Variants in SELENOM observed in about 807,000 individuals in gnomAD.
SELENOM encodes the protein selenoprotein SelM.
Under a neutral mutation model 14.5 loss-of-function variants are expected in SELENOM, and 17 were observed. That is an observed-to-expected ratio of 1.17 (90% CI 0.80 to 1.76). The LOEUF (loss-of-function observed/expected upper bound fraction) is 1.76, where lower values mean the gene tolerates loss of function less well. SELENOM is among the 40% of genes most tolerant of loss of function. The pLI is 0.00. For missense variants in SELENOM, 230 were observed against 204.6 expected (o/e 1.12, Z -0.76); for synonymous variants, 102 against 93.3 (o/e 1.09, Z -0.54).
chr22:31,104,854 C>G lies in SELENOM; in HGVS notation c.*116G>C, dbSNP rs2044369538. The G allele has an allele frequency of 8.2e-7, 1 of 1,217,764 alleles. No homozygotes were observed. Among genetic ancestry groups the G allele is most frequent in the East Asian group, 2.6e-5 (1 of 38,264 alleles). 75.4% of individuals were successfully genotyped at this position (1,217,764 alleles called of 1,614,324 possible). On this transcript the variant is annotated 3_prime_UTR_variant, in exon 5 of 5. Transcript: ENST00000400299. The stretch of plus-strand genomic sequence containing the variant: ...GAGAACCTCCCCAACCCCATCCCTG[C>G]TGGCCCGGGGACGGGCATCGGCTCT...
At position 31,107,464 on chromosome 22, in the gene SELENOM, G is replaced by A. The variant is rs1313730451; in HGVS notation, c.42C>T (p.Leu14=). The change falls in exon 1 of 5, where the codon CTC becomes CTT. Residue 14 remains leucine, a synonymous_variant. Transcript: ENST00000400299. ...CTGTGGCTGGGGCCACAAGCGCCGC[G>A]AGAAGCAGCAGCAGCGCCAGCGGAG... is the stretch of plus-strand genomic sequence containing the variant. The part of the protein sequence containing the change: ...LLPPLALLLL[L]AALVAPATAA... The A allele has an allele frequency of 5.8e-6, 9 of 1,561,484 alleles. No homozygotes were observed. The Admixed American group carries it at 1.3e-4, about 23-fold the overall frequency.
intron 1 of SELENOM, 32 bp downstream of exon 1, chr22:31,107,345 A>C (rs2044414713): frequency 1.9e-6 from 3 of 1,579,276 alleles, no homozygotes; most frequent in South Asian, 1.1e-5. Flanking sequence ...TTGGGGAACG[A>C]TAGTGCCGGG....
rs2044367308 is a variant in SELENOM at position 31,104,794 on chromosome 22, T to C, written c.*176A>G. The C allele has an allele frequency of 2.0e-6, 1 of 499,630 alleles. No homozygotes were observed. The highest frequency in any genetic ancestry group is 3.3e-6 in the Non-Finnish European group (1 of 300,458). The allele number at this position is 499,630 out of a possible 1,614,324, so 30.9% of individuals were successfully genotyped here. A position where few individuals can be genotyped will look rare whatever the true frequency, so the allele number is the denominator to read the frequency against. Reference sequence around the variant, plus strand: ...AGCCTCAGTTAAGGCAGGAGGGAATTTAGTGGAGCTGGGGAAGGAAGAAAG... The same window carrying C: ...AGCCTCAGTTAAGGCAGGAGGGAATCTAGTGGAGCTGGGGAAGGAAGAAAG... On this transcript the variant is annotated 3_prime_UTR_variant, in exon 5 of 5. Coordinates refer to ENST00000400299, the MANE Select transcript of SELENOM (RefSeq NM_080430.4).
chr22:31,107,169 T>G, intron 1 of SELENOM: 1 of 591,956 alleles, frequency 1.7e-6, no homozygotes, highest in Non-Finnish European at 2.8e-6. Flanking sequence ...GGGTTCGGAG[T>G]TCCAGGCCCC....
At chr22:31,105,521 A>G in intron 3 of SELENOM, 137 bp downstream of exon 3, 1 of 953,460 alleles carries the variant, frequency 1.0e-6, no homozygotes. Context: ...CATGGAGACC[A>G]CCTCAGAATC....
Position 31,104,804 on chromosome 22 carries a change from T to A in SELENOM, c.*166A>T. On this transcript the variant is annotated 3_prime_UTR_variant, in exon 5 of 5. Transcript: ENST00000400299. ...AAGGCAGGAGGGAATTTAGTGGAGC[T>A]GGGGAAGGAAGAAAGTGGGGTTGGG... 1 of 501,460 alleles carries A rather than the reference T, an allele frequency of 2.0e-6. No homozygotes were observed. The allele number at this position is 501,460 out of a possible 1,614,324, so 31.1% of individuals were successfully genotyped here. A position where few individuals can be genotyped will look rare whatever the true frequency, so the allele number is the denominator to read the frequency against.
Position 31,105,253 on chromosome 22 carries a change from G to C in SELENOM, c.234C>G (p.Ala78=), listed in dbSNP as rs759028712. ...HNLVMKHLPG[A]DPELVLLGRR... ...GGCCCAGCAGCACGAGCTCAGGGTC[G>C]GCCCCAGGGAGGTGTTTCATCACCA... is the stretch of plus-strand genomic sequence containing the variant. The change falls in exon 4 of 5, where the codon GCC becomes GCG. Residue 78 remains alanine (A), a synonymous_variant. Coordinates refer to ENST00000400299, the MANE Select transcript of SELENOM (RefSeq NM_080430.4). 1.2e-6 allele frequency: 2 copies of C among 1,612,840 alleles called. No homozygotes were observed. The highest frequency in any genetic ancestry group is 1.7e-6 in the Non-Finnish European group (2 of 1,179,572).
At chr22:31,105,558 A>T (rs2044393576) in intron 3 of SELENOM, 100 bp downstream of exon 3, 1 of 1,253,384 alleles carries the variant, frequency 8.0e-7, no homozygotes, top group South Asian at 1.2e-5. Flanking sequence ...CAATCAATTC[A>T]ACTTGTCAGT....
chr22:31,106,227 C>T, intron 1 of SELENOM: 1 of 563,012 alleles, frequency 1.8e-6, no homozygotes, highest in Non-Finnish European at 3.2e-6. Context: ...GCCTTGGGGC[C>T]TGTACATCCT....
chr22:31,106,142 A>G (rs1460474647), intron 1 of SELENOM, 177 bp from the exon 2 acceptor site: 1 of 653,930 alleles, frequency 1.5e-6, no homozygotes, highest in East Asian at 2.7e-5. Flanking sequence ...GGAACTGTGT[A>G]TACAGGTGGG....
chr22:31,105,910 A>T lies in SELENOM; in HGVS notation c.165+20T>A, dbSNP rs763610803. 3.7e-6 allele frequency: 6 copies of T among 1,612,642 alleles called. No homozygotes were observed. In the African/African-American group the frequency reaches 4.0e-5, roughly 11 times the overall value. On this transcript the variant is annotated intron_variant, in intron 2 of 4. Coordinates refer to ENST00000400299, the MANE Select transcript of SELENOM (RefSeq NM_080430.4). Reference sequence around the variant, plus strand: ...AGGCTCAGGGGGAACAGAGCTAGGGACCTCTTCCTTCAAACTCACCTCCTT... The same window carrying T: ...AGGCTCAGGGGGAACAGAGCTAGGGTCCTCTTCCTTCAAACTCACCTCCTT...
At position 31,107,567 on chromosome 22, in the gene SELENOM, C is replaced by G. The variant is rs953111201; in HGVS notation, c.-62G>C. 3.6e-6 allele frequency: 5 copies of G among 1,378,542 alleles called. No homozygotes were observed. Among genetic ancestry groups the G allele is most frequent in the Non-Finnish European group, 4.8e-6 (5 of 1,044,056 alleles). The allele number at this position is 1,378,542 out of a possible 1,614,324, so 85.4% of individuals were successfully genotyped here. ...GAACCTCCGAGTCGCTGCGCCACGT[C>G]TGGGCCCCCAGGCTGGCCCCGCCCC... On this transcript the variant is annotated 5_prime_UTR_variant, in exon 1 of 5. Coordinates refer to ENST00000400299, the MANE Select transcript of SELENOM (RefSeq NM_080430.4).
Position 31,107,026 on chromosome 22 carries a change from C to G in SELENOM, c.129+351G>C, listed in dbSNP as rs1033759213. 1.0e-4 allele frequency: 20 copies of G among 198,116 alleles called. 1 individual carries two copies. The highest frequency in any genetic ancestry group is 7.2e-5 in the Non-Finnish European group (7 of 97,574). The allele number at this position is 198,116 out of a possible 1,614,324, so 12.3% of individuals were successfully genotyped here. ...CCTGGAACCGGGTCGGGGGGGAATTCCAGGAAAACATGAAGTGATGGGGGA... is the reference window on the plus strand; with the variant it reads ...CCTGGAACCGGGTCGGGGGGGAATTGCAGGAAAACATGAAGTGATGGGGGA... On this transcript the variant is annotated intron_variant, in intron 1 of 4. Coordinates refer to ENST00000400299, the MANE Select transcript of SELENOM (RefSeq NM_080430.4).
chr22:31,106,468 A>G (rs143338707), intron 1 of SELENOM: 161 of 170,692 alleles, frequency 9.4e-4, no homozygotes, highest in African/African-American at 3.7e-3. Flanking sequence ...AGCCCCACAG[A>G]CCATGTGGTT....
rs1021904780 is a variant in SELENOM at position 31,107,449 on chromosome 22, G to A, written c.57C>T (p.Ala19=). 4 of 1,567,228 alleles carry A rather than the reference G, an allele frequency of 2.6e-6. No individual in the cohort carries two copies. The highest frequency in any genetic ancestry group is 4.7e-5 in the East Asian group (2 of 42,596). Residue 19 remains alanine (A), a synonymous_variant, in exon 1 of 5, where the codon GCC becomes GCT. Transcript: ENST00000400299. ...ALLLLLAALV[A]PATAATAYRP... ...GGTAGGCAGTGGCGGCTGTGGCTGG[G>A]GCCACAAGCGCCGCGAGAAGCAGCA...
At position 31,107,510 on chromosome 22, in the gene SELENOM, A is replaced by G. The variant is rs758443777; in HGVS notation, c.-5T>C. On this transcript the variant is annotated 5_prime_UTR_variant, in exon 1 of 5. Transcript: ENST00000400299. Reference sequence around the variant, plus strand: ...CGGAGGCAACAGGAGGCTCATCGGGACCCGGCCGCAGATGATGCGCAAGCT... The same window carrying G: ...CGGAGGCAACAGGAGGCTCATCGGGGCCCGGCCGCAGATGATGCGCAAGCT... 2 of 1,538,232 alleles carry G rather than the reference A, an allele frequency of 1.3e-6. No individual in the cohort carries two copies. Among genetic ancestry groups the G allele is most frequent in the South Asian group, 2.4e-5 (2 of 83,894 alleles).
rs1332736292 is a variant in SELENOM, at chr22:31,107,452, C to T, written c.54G>A (p.Val18=). 2 of 1,565,146 alleles carry T rather than the reference C, an allele frequency of 1.3e-6. No individual in the cohort carries two copies. The highest frequency in any genetic ancestry group is 1.9e-5 in the Admixed American group (1 of 52,304). The change falls in exon 1 of 5, where the codon GTG becomes GTA. Residue 18 remains valine (V), a synonymous_variant. Coordinates refer to ENST00000400299, the MANE Select transcript of SELENOM (RefSeq NM_080430.4). ...AGGCAGTGGCGGCTGTGGCTGGGGC[C>T]ACAAGCGCCGCGAGAAGCAGCAGCA... ...LALLLLLAAL[V]APATAATAYR...
At chr22:31,105,721 A>C (rs755484623) in intron 2 of SELENOM, 29 bp from the exon 3 acceptor site, 1 of 1,613,178 alleles carries the variant, frequency 6.2e-7, no homozygotes, top group Non-Finnish European at 8.5e-7. Context: ...ATCAGAGACC[A>C]TGACCTCAGT....
Position 31,104,966 on chromosome 22 carries a change from G to T in SELENOM, c.*4C>A, listed in dbSNP as rs758196503. ...TAGGTCCCAGCTCCGCCGCGCCCCCGGACCTACAGGTCAGCGTGGTCCGAA... is the reference window on the plus strand; with the variant it reads ...TAGGTCCCAGCTCCGCCGCGCCCCCTGACCTACAGGTCAGCGTGGTCCGAA... On this transcript the variant is annotated 3_prime_UTR_variant, in exon 5 of 5. Transcript: ENST00000400299. 3 of 1,561,030 alleles carry T rather than the reference G, an allele frequency of 1.9e-6. No individual in the cohort carries two copies. The highest frequency in any genetic ancestry group is 2.4e-5 in the South Asian group (2 of 84,540).
Sources: gnomAD v4.1 joint callset for allele counts on GRCh38, gnomAD v4.1.1 for gene constraint, MANE v1.5 for transcripts, NCBI Gene and HGNC (gene_info 2026-07-23, HGNC 2026-07-21) for gene names.